VWA2: variants seen among roughly 807,000 people sequenced by gnomAD.
VWA2 encodes von Willebrand factor A domain containing 2.
A neutral mutation model predicts 70.4 loss-of-function variants in VWA2; 73 were observed. That is an observed-to-expected ratio of 1.04 (90% CI 0.86 to 1.26). The LOEUF (loss-of-function observed/expected upper bound fraction) is 1.26, where lower values mean the gene tolerates loss of function less well. VWA2 is among the 50% of genes most tolerant of loss of function. The pLI, the probability that VWA2 is intolerant of heterozygous loss-of-function variation, is 0.00. For missense variants in VWA2, 1,011 were observed against 998.5 expected, an observed-to-expected ratio of 1.01 and a Z score of -0.17; for synonymous variants, 407 against 423.3, an observed-to-expected ratio of 0.96 and a Z score of 0.47.
chr10:114,241,076 GA>G (rs2133271134), intron 1 of VWA2, among the ~76,000 whole-genome samples: 2 of 152,248 alleles, frequency 1.3e-5, no homozygotes, highest in East Asian at 3.9e-4. Flanking sequence ...CCCAGTTTTA[GA>G]GTGTTAGGTT....
intron 1 of VWA2, among the ~76,000 whole-genome samples, chr10:114,241,138 C>T (rs1263621821): frequency 2.0e-5 from 3 of 152,110 alleles, no homozygotes; most frequent in Admixed American, 6.6e-5. Flanking sequence ...CTCCTGTCCC[C>T]GCCTATGCAC....
chr10:114,272,998 A>T, intron 6 of VWA2, 64 bp downstream of exon 6: 1 of 1,440,754 alleles, frequency 6.9e-7, no homozygotes, highest in Non-Finnish European at 9.4e-7. Flanking sequence ...TGACATGGCC[A>T]TGGGAGGGAA....
chr10:114,259,668 G>A (rs2037403164), intron 4 of VWA2, among the ~76,000 whole-genome samples: 1 of 151,934 alleles, frequency 6.6e-6, no homozygotes, highest in South Asian at 2.1e-4. Context: ...TTGGTAGATT[G>A]CTCTCCAGTT....
intron 6 of VWA2, 55 bp from the exon 7 acceptor site, chr10:114,277,859 G>T (rs1422294513): frequency 4.5e-6 from 7 of 1,546,608 alleles, no homozygotes; most frequent in Non-Finnish European, 6.2e-6. Context: ...AGAAGATGAG[G>T]GGGCAGGAGG....
chr10:114,273,005 G>A (rs745661997), intron 6 of VWA2, 71 bp downstream of exon 6: 73 of 1,390,726 alleles, frequency 5.2e-5, no homozygotes, highest in Non-Finnish European at 6.8e-5. Flanking sequence ...GCCATGGGAG[G>A]GAAGGGAGGG....
Position 114,269,872 on chromosome 10 carries a change from C to T in VWA2, c.372-2868C>T, listed in dbSNP as rs78100574. ...GCCAGGAGGCCATAGGGCTCACTGGCCAGTGGGTAGAGGAGCAGGTTGCTT... is the reference window on the plus strand; with the variant it reads ...GCCAGGAGGCCATAGGGCTCACTGGTCAGTGGGTAGAGGAGCAGGTTGCTT... On this transcript the variant is annotated intron_variant, in intron 5 of 13. Coordinates refer to ENST00000392982, the MANE Select transcript of VWA2 (RefSeq NM_001272046.2). Among the ~76,000 whole-genome samples the T allele has an allele frequency of 4.0e-3, 606 of 152,238 alleles. 2 individuals carry two copies. The highest frequency in any genetic ancestry group is 0.014 in the African/African-American group (579 of 41,538).
chr10:114,279,690 G>C (rs867724927), intron 8 of VWA2, among the ~76,000 whole-genome samples: 8 of 152,242 alleles, frequency 5.3e-5, no homozygotes, highest in South Asian at 2.1e-4. Flanking sequence ...CAAGTGAAAG[G>C]AGGAGTTGAT....
chr10:114,249,318 G>A (rs1351698415), intron 2 of VWA2, among the ~76,000 whole-genome samples: 9 of 152,046 alleles, frequency 5.9e-5, no homozygotes, highest in East Asian at 1.9e-4. Flanking sequence ...GTGCAATGGC[G>A]CAATCTCTGC....
chr10:114,239,803 C>A (rs2036943733), intron 1 of VWA2, among the ~76,000 whole-genome samples: 1 of 152,192 alleles, frequency 6.6e-6, no homozygotes, highest in Non-Finnish European at 1.5e-5. Flanking sequence ...TGGCGCGCGC[C>A]TCCCTCGTGG....
intron 8 of VWA2, among the ~76,000 whole-genome samples, chr10:114,280,343 G>A: frequency 6.6e-6 from 1 of 152,212 alleles, no homozygotes; most frequent in East Asian, 1.9e-4. Flanking sequence ...AGTAATGGGA[G>A]GCAGTCATTC....
At chr10:114,284,156 C>G (rs4918895) in intron 9 of VWA2, among the ~76,000 whole-genome samples, 50,507 of 152,110 alleles carry the variant, frequency 0.33, 8,684 homozygotes, top group South Asian at 0.45. Flanking sequence ...GAATGGGCCA[C>G]ATTTTGACAC....
chr10:114,278,044 C>T lies in VWA2; in HGVS notation c.697C>T (p.Pro233Ser). 6.2e-7 allele frequency: 1 copy of T among 1,610,230 alleles called. No individual in the cohort carries two copies. The highest frequency in any genetic ancestry group is 8.5e-7 in the Non-Finnish European group (1 of 1,177,198). ...SSSAICSSATPDCRVEAHPCE... is the reference protein window; with the variant it reads ...SSSAICSSATSDCRVEAHPCE... The stretch of plus-strand genomic sequence containing the variant: ...CTCGGCCATCTGCTCCAGCGCCACG[C>T]CAGGTAAGATCTTCCAGCCTGGAGG... Residue 233 changes from proline (P) to serine (S), a missense_variant, in exon 7 of 14, where the codon CCA becomes TCA. Physicochemically the swap from Pro to Ser is moderately conservative, Grantham distance 74. Coordinates refer to ENST00000392982, the MANE Select transcript of VWA2 (RefSeq NM_001272046.2).
chr10:114,272,751 C>T lies in VWA2; in HGVS notation c.383C>T (p.Thr128Met), dbSNP rs370276631. Reference protein sequence around the residue: ...IKRMVFKGGRTETELALKYLL... With the variant: ...IKRMVFKGGRMETELALKYLL... ...CTGGGTGTGCACAGAGGAGGGCGCA[C>T]GGAGACGGAACTTGCTCTGAAATAC... is the stretch of plus-strand genomic sequence containing the variant. The change falls in exon 6 of 14, where the codon ACG becomes ATG. Residue 128 changes from threonine (T) to methionine (M), a missense_variant. Transcript: ENST00000392982. 79 of 1,605,702 alleles carry T rather than the reference C, an allele frequency of 4.9e-5. No individual in the cohort carries two copies. Among genetic ancestry groups the T allele is most frequent in the African/African-American group, 3.9e-4 (29 of 74,794 alleles).
At chr10:114,283,253 A>ACAGG (rs1188896297) in intron 9 of VWA2, among the ~76,000 whole-genome samples, 61 of 152,034 alleles carry the variant, frequency 4.0e-4, no homozygotes, top group Admixed American at 3.5e-3. Flanking sequence ...AGTTAGACAC[A>ACAGG]CAGGCAGGGC....
At chr10:114,287,699 A>C (rs1030772165) in intron 11 of VWA2, among the ~76,000 whole-genome samples, 1 of 152,200 alleles carries the variant, frequency 6.6e-6, no homozygotes, top group African/African-American at 2.4e-5. Context: ...TTTTTAAAAA[A>C]AATAATAGTT....
chr10:114,269,618 C>T (rs1486758760), intron 5 of VWA2, among the ~76,000 whole-genome samples: 1 of 152,132 alleles, frequency 6.6e-6, no homozygotes, highest in African/African-American at 2.4e-5. Flanking sequence ...GGAACCCAAG[C>T]CTTCCCCTGA....
At position 114,293,008 on chromosome 10, in the gene VWA2, A is replaced by G. The variant is rs1426908396; in HGVS notation, c.*1771A>G. Among the ~76,000 whole-genome samples, 1 of 152,136 alleles carries G rather than the reference A, an allele frequency of 6.6e-6. No individual in the cohort carries two copies. Among genetic ancestry groups the G allele is most frequent in the Non-Finnish European group, 1.5e-5 (1 of 68,022 alleles). ...AGGGGTGAACCACTGTGCCTGGCCCATTTTTCTTTATAAATATTGTAACAT... is the reference window on the plus strand; with the variant it reads ...AGGGGTGAACCACTGTGCCTGGCCCGTTTTTCTTTATAAATATTGTAACAT... On this transcript the variant is annotated 3_prime_UTR_variant, in exon 14 of 14. Coordinates refer to ENST00000392982, the MANE Select transcript of VWA2 (RefSeq NM_001272046.2).
At chr10:114,242,179 G>T (rs1451793041) in intron 1 of VWA2, among the ~76,000 whole-genome samples, 3 of 152,140 alleles carry the variant, frequency 2.0e-5, no homozygotes, top group African/African-American at 7.2e-5. Flanking sequence ...TCTTGAACTA[G>T]ATTTCCCTGG....
At chr10:114,245,031 T>C (rs2037040453) in intron 1 of VWA2, among the ~76,000 whole-genome samples, 1 of 152,194 alleles carries the variant, frequency 6.6e-6, no homozygotes, top group African/African-American at 2.4e-5. Flanking sequence ...CTGGGCAGTT[T>C]CAGCGTGGGC....
Sources: allele counts gnomAD v4.1 joint callset (sites outside exome capture counted in the v4.1 genomes callset), GRCh38; gene constraint gnomAD v4.1.1; transcripts MANE v1.5; gene names NCBI Gene and HGNC (gene_info 2026-07-23, HGNC 2026-07-21).